Variants in SLC17A1 observed in about 807,000 individuals in gnomAD.
The protein encoded by SLC17A1 is sodium-dependent phosphate transport protein 1.
Under a neutral mutation model 53.5 loss-of-function variants are expected in SLC17A1, and 51 were observed. The observed-to-expected ratio is 0.95, with a 90% CI of 0.76 to 1.20. The LOEUF (loss-of-function observed/expected upper bound fraction) is 1.20, where lower values mean the gene tolerates loss of function less well. Among genes scored for constraint, SLC17A1 ranks in the 50% most tolerant of loss-of-function variants. The pLI is 0.00. For missense variants in SLC17A1, 538 were observed against 568.2 expected, an observed-to-expected ratio of 0.95 and a Z score of 0.54; for synonymous variants, 179 against 198.8, an observed-to-expected ratio of 0.90 and a Z score of 0.84.
the SLC17A1 span, chr6:25,770,035 A>G: frequency 1.3e-5 from 21 of 1,595,886 alleles, no homozygotes; most frequent in Non-Finnish European, 1.7e-5. Flanking sequence ...TCCTTCAACT[A>G]AAGACAAACA....
intron 5 of SLC17A1, 91 bp downstream of exon 5, chr6:25,819,420 T>C: frequency 9.1e-7 from 1 of 1,096,936 alleles, no homozygotes; most frequent in Non-Finnish European, 1.4e-6. Context: ...CCCTTGACCA[T>C]TCAAAACACA....
At chr6:25,757,600 T>G in the SLC17A1 span, among the ~76,000 whole-genome samples, 1 of 151,940 alleles carries the variant, frequency 6.6e-6, no homozygotes, top group Non-Finnish European at 1.5e-5. Context: ...AAGGGATCAT[T>G]TGGTTGGTTT....
the SLC17A1 span, among the ~76,000 whole-genome samples, chr6:25,738,253 C>CA: frequency 2.0e-5 from 3 of 152,078 alleles, no homozygotes; most frequent in African/African-American, 7.2e-5. Flanking sequence ...AGAGAACACA[C>CA]AGATAGTCCT....
At chr6:25,756,089 T>G in the SLC17A1 span, among the ~76,000 whole-genome samples, 1 of 152,110 alleles carries the variant, frequency 6.6e-6, no homozygotes, top group South Asian at 2.1e-4. Flanking sequence ...ATCTTGTCCT[T>G]TACAGCCCAT....
chr6:25,732,624 G>A, the SLC17A1 span: 2 of 1,149,184 alleles, frequency 1.7e-6, no homozygotes, highest in Admixed American at 1.8e-5. Context: ...CGACACCCTG[G>A]AGTTGGCGGG....
Position 25,819,737 on chromosome 6 carries a change from G to C in SLC17A1, c.386C>G (p.Ala129Gly). 6.2e-7 allele frequency: 1 copy of C among 1,614,178 alleles called. No individual in the cohort carries two copies. The highest frequency in any genetic ancestry group is 8.5e-7 in the Non-Finnish European group (1 of 1,180,028). The change falls in exon 4 of 13, where the codon GCT becomes GGT. Residue 129 changes from alanine to glycine, a missense_variant. Coordinates refer to ENST00000244527, the MANE Select transcript of SLC17A1 (RefSeq NM_005074.5). ...AACGACCCAAGCTACTCCAATTCCA[G>C]CTGCTGGTGGGATGAGCAGGCTTAA... is the stretch of plus-strand genomic sequence containing the variant. ...SVLSLLIPPAAGIGVAWVVVC... is the reference protein window; with the variant it reads ...SVLSLLIPPAGGIGVAWVVVC...
chr6:25,801,608 G>A (rs187149875), intron 10 of SLC17A1, among the ~76,000 whole-genome samples: 17 of 152,336 alleles, frequency 1.1e-4, no homozygotes, highest in African/African-American at 3.6e-4. Context: ...TCACTCCAGG[G>A]CTGGGAGTCC....
At chr6:25,738,762 G>A in the SLC17A1 span, among the ~76,000 whole-genome samples, 1 of 151,964 alleles carries the variant, frequency 6.6e-6, no homozygotes, top group East Asian at 1.9e-4. Flanking sequence ...GACACACAAA[G>A]GGCAAAAAAG....
intron 10 of SLC17A1, among the ~76,000 whole-genome samples, chr6:25,809,512 C>T (rs180793953): frequency 3.3e-5 from 5 of 151,914 alleles, no homozygotes; most frequent in East Asian, 3.9e-4. Context: ...ATCAATGAAA[C>T]AATCCCATAT....
the SLC17A1 span, chr6:25,727,062 C>A: frequency 5.0e-6 from 8 of 1,614,106 alleles, no homozygotes; most frequent in Non-Finnish European, 5.9e-6. Context: ...GCAGGTCCAT[C>A]CGGACACTGG....
At position 25,826,465 on chromosome 6, in the gene SLC17A1, A is replaced by T. The variant is rs762708359; in HGVS notation, c.203T>A (p.Ile68Lys). 10 of 1,598,448 alleles carry T rather than the reference A, an allele frequency of 6.3e-6. No homozygotes were observed. The South Asian group carries it at 1.1e-4, about 18-fold the overall frequency. Reference sequence around the variant, plus strand: ...TGGGGAAAATTATTGATGTACCTTTATATTATCCAGGAGCTTCTTTGTGGA... The same window carrying T: ...TGGGGAAAATTATTGATGTACCTTTTTATTATCCAGGAGCTTCTTTGTGGA... ...NTSTKKLLDN[I>K]KNPMYNWSPD... is the part of the protein sequence containing the mutation. Residue 68 changes from isoleucine to lysine, a missense_variant, in exon 3 of 13, where the codon ATA (isoleucine) becomes AAA (lysine). Physicochemically the swap from Ile to Lys is moderately radical, Grantham distance 102. Transcript: ENST00000244527.
At chr6:25,759,728 C>A in the SLC17A1 span, among the ~76,000 whole-genome samples, 1 of 152,208 alleles carries the variant, frequency 6.6e-6, no homozygotes, top group Non-Finnish European at 1.5e-5. Context: ...CATGGAATAT[C>A]TAGTCCCACC....
At chr6:25,753,633 T>C in the SLC17A1 span, among the ~76,000 whole-genome samples, 2 of 152,268 alleles carry the variant, frequency 1.3e-5, no homozygotes, top group East Asian at 3.9e-4. Context: ...TGATGGAAAG[T>C]ATAGAATGAA....
the SLC17A1 span, among the ~76,000 whole-genome samples, chr6:25,756,175 G>A: frequency 2.0e-5 from 3 of 152,048 alleles, no homozygotes. Context: ...GCCATTTTGG[G>A]AGATCGAGAC....
At chr6:25,770,910 C>A in the SLC17A1 span, 1 of 1,601,394 alleles carries the variant, frequency 6.2e-7, no homozygotes, top group Non-Finnish European at 8.6e-7. Context: ...AGAACATCCT[C>A]GCCTCTTCTG....
the SLC17A1 span, among the ~76,000 whole-genome samples, chr6:25,772,978 G>A: frequency 6.6e-6 from 1 of 152,302 alleles, no homozygotes; most frequent in African/African-American, 2.4e-5. Flanking sequence ...GGATGAGCTG[G>A]AGCATAGTCT....
chr6:25,773,927 T>A, the SLC17A1 span, among the ~76,000 whole-genome samples: 1 of 152,170 alleles, frequency 6.6e-6, no homozygotes, highest in Admixed American at 6.5e-5. Context: ...TTATACTATT[T>A]TCATATATAC....
chr6:25,801,274 A>G (rs1011461667), intron 10 of SLC17A1, among the ~76,000 whole-genome samples: 1 of 152,232 alleles, frequency 6.6e-6, no homozygotes, highest in Admixed American at 6.5e-5. Flanking sequence ...TGAGAAATTC[A>G]GAAGGTGATA....
At chr6:25,777,970 T>G (rs776397057), downstream of SLC17A1, 2 of 1,613,100 alleles carry the variant, frequency 1.2e-6, no homozygotes, top group Non-Finnish European at 1.7e-6. Context: ...TTTGCACACA[T>G]AGCTGGAGCC....
Sources: allele counts gnomAD v4.1 joint callset (sites outside exome capture counted in the v4.1 genomes callset), GRCh38; gene constraint gnomAD v4.1.1; transcripts MANE v1.5; gene names NCBI Gene and HGNC (gene_info 2026-07-23, HGNC 2026-07-21).